Variants in ALOX5 observed in about 807,000 individuals in gnomAD.
The protein encoded by ALOX5 is polyunsaturated fatty acid 5-lipoxygenase.
A neutral mutation model predicts 87.9 loss-of-function variants in ALOX5; 64 were observed. The ratio of observed to expected loss-of-function variants is 0.73; its 90% CI spans 0.60 to 0.90. The LOEUF (loss-of-function observed/expected upper bound fraction) is 0.90. Among genes scored for constraint, ALOX5 ranks in the 40% least tolerant of loss-of-function variants. ALOX5 has a pLI of 0.00. For missense variants in ALOX5, 822 were observed against 907.5 expected, an observed-to-expected ratio of 0.91 and a Z score of 1.21; for synonymous variants, 388 against 355.1, an observed-to-expected ratio of 1.09 and a Z score of -1.04.
chr10:45,382,360 T>A, intron 1 of ALOX5, 123 bp from the exon 2 acceptor site: 1 of 975,920 alleles, frequency 1.0e-6, no homozygotes, highest in Non-Finnish European at 1.6e-6. Flanking sequence ...TTTTTTTAAG[T>A]GCTTTTCATT....
At chr10:45,401,650 A>T (rs1840702230) in intron 3 of ALOX5, among the ~76,000 whole-genome samples, 1 of 152,140 alleles carries the variant, frequency 6.6e-6, no homozygotes, top group Non-Finnish European at 1.5e-5. Flanking sequence ...ATTCACTTAA[A>T]CACCCAGCTT....
At chr10:45,440,753 G>A in intron 8 of ALOX5, 120 bp downstream of exon 8, 1 of 1,107,426 alleles carries the variant, frequency 9.0e-7, no homozygotes, top group South Asian at 1.5e-5. Flanking sequence ...AGGGAGCCCT[G>A]GAGAGATGTT....
At position 45,445,600 on chromosome 10, in the gene ALOX5, C is replaced by G. The variant is rs1803918; in HGVS notation, c.1938C>G (p.Val646=). 7.1e-5 allele frequency: 115 copies of G among 1,614,160 alleles called. No homozygotes were observed. In the South Asian group the frequency reaches 1.1e-3, roughly 16 times the overall value. Residue 646 remains valine (V), a synonymous_variant, in exon 14 of 14, where the codon GTC becomes GTG. Coordinates refer to ENST00000374391, the MANE Select transcript of ALOX5 (RefSeq NM_000698.5). ...ARFRKNLEAI[V]SVIAERNKKK... ...TCCGCAAGAACCTCGAGGCCATTGT[C>G]AGCGTGATTGCTGAGCGCAACAAGA...
At chr10:45,418,412 A>G (rs1353281132) in intron 4 of ALOX5, among the ~76,000 whole-genome samples, 1 of 152,150 alleles carries the variant, frequency 6.6e-6, no homozygotes, top group East Asian at 1.9e-4. Flanking sequence ...GATCGCACAC[A>G]TCAGCCCCTC....
intron 1 of ALOX5, among the ~76,000 whole-genome samples, chr10:45,375,470 GCTCCTAA>G (rs1199080893): frequency 6.6e-6 from 1 of 152,122 alleles, no homozygotes; most frequent in African/African-American, 2.4e-5. Flanking sequence ...CCCCACCCCA[GCTCCTAA>G]CTGGACCAAA....
chr10:45,379,481 C>T (rs545343136), intron 1 of ALOX5, among the ~76,000 whole-genome samples: 1 of 152,332 alleles, frequency 6.6e-6, no homozygotes, highest in South Asian at 2.1e-4. Context: ...TCAGGAGTTC[C>T]TTCTGGGCTT....
At chr10:45,435,221 G>T (rs942428657) in intron 7 of ALOX5, among the ~76,000 whole-genome samples, 2 of 152,038 alleles carry the variant, frequency 1.3e-5, no homozygotes, top group African/African-American at 4.8e-5. Flanking sequence ...GCAGAGCACT[G>T]GGCCCATCCT....
chr10:45,385,437 G>A (rs1564412469), intron 2 of ALOX5, among the ~76,000 whole-genome samples: 1 of 152,204 alleles, frequency 6.6e-6, no homozygotes, highest in East Asian at 1.9e-4. Flanking sequence ...TCATCCTGCT[G>A]TGCTCCCAGA....
At chr10:45,409,609 TTC>T (rs996375795) in intron 3 of ALOX5, among the ~76,000 whole-genome samples, 1 of 149,286 alleles carries the variant, frequency 6.7e-6, no homozygotes, top group South Asian at 2.1e-4. Context: ...CTCTCTTGCT[TTC>T]TCTCTCTCTC....
intron 4 of ALOX5, among the ~76,000 whole-genome samples, chr10:45,418,804 A>G (rs961813065): frequency 2.0e-5 from 3 of 152,056 alleles, no homozygotes; most frequent in Non-Finnish European, 4.4e-5. Flanking sequence ...TCACCTCCCC[A>G]CTCGCTGTTT....
chr10:45,412,867 G>A (rs559081621), intron 4 of ALOX5, among the ~76,000 whole-genome samples: 1 of 152,206 alleles, frequency 6.6e-6, no homozygotes, highest in Admixed American at 6.5e-5. Context: ...GTGCACCTTT[G>A]TTTCATCCGA....
intron 7 of ALOX5, among the ~76,000 whole-genome samples, chr10:45,440,127 C>T (rs565919460): frequency 5.0e-4 from 76 of 152,322 alleles, no homozygotes; most frequent in Non-Finnish European, 1.0e-3. Context: ...CCTGCCCGCT[C>T]CTTCCATGCT....
chr10:45,405,572 A>C (rs1840850581), intron 3 of ALOX5, among the ~76,000 whole-genome samples: 1 of 152,166 alleles, frequency 6.6e-6, no homozygotes, highest in East Asian at 1.9e-4. Context: ...AGGAGATTTT[A>C]GTTCTTTATT....
At chr10:45,437,899 C>A in intron 7 of ALOX5, among the ~76,000 whole-genome samples, 1 of 152,170 alleles carries the variant, frequency 6.6e-6, no homozygotes. Flanking sequence ...GCGAGGAGCA[C>A]CCTTTCTGCA....
chr10:45,409,623 T>C (rs1329191790), intron 3 of ALOX5, among the ~76,000 whole-genome samples: 2 of 150,078 alleles, frequency 1.3e-5, no homozygotes, highest in African/African-American at 2.5e-5. Flanking sequence ...CTCTCTCTCT[T>C]TCTCTCTCTC....
chr10:45,440,388 A>G (rs774553469), intron 7 of ALOX5, 42 bp from the exon 8 acceptor site: 133 of 1,588,872 alleles, frequency 8.4e-5, no homozygotes, highest in Middle Eastern at 6.7e-4. Context: ...TATACTCTGA[A>G]GTGAAATATA....
At chr10:45,445,347 G>A (rs1323475908) in intron 13 of ALOX5, among the ~76,000 whole-genome samples, 161 bp from the exon 14 acceptor site, 4 of 152,230 alleles carry the variant, frequency 2.6e-5, no homozygotes, top group South Asian at 4.1e-4. Flanking sequence ...TTGCCTTCCC[G>A]AGGCCCTCTT....
intron 3 of ALOX5, among the ~76,000 whole-genome samples, chr10:45,398,334 A>G (rs931160614): frequency 6.6e-6 from 1 of 152,270 alleles, no homozygotes; most frequent in African/African-American, 2.4e-5. Flanking sequence ...CACCATATAC[A>G]TAAATTAACA....
Position 45,443,711 on chromosome 10 carries a change from C to T in ALOX5, c.1574-17C>T, listed in dbSNP as rs1377542963. On this transcript the variant is annotated splice_polypyrimidine_tract_variant and intron_variant, in intron 11 of 13. Coordinates refer to ENST00000374391, the MANE Select transcript of ALOX5 (RefSeq NM_000698.5). Reference sequence around the variant, plus strand: ...CCTCAGGGACTGGGCCTCAGCCCGCCGGTGGTTCCACCCTAGGCTTCCCCA... The same window carrying T: ...CCTCAGGGACTGGGCCTCAGCCCGCTGGTGGTTCCACCCTAGGCTTCCCCA... 5.6e-6 allele frequency: 9 copies of T among 1,608,102 alleles called. No individual in the cohort carries two copies. Among genetic ancestry groups the T allele is most frequent in the Middle Eastern group, 1.7e-4 (1 of 6,028 alleles).
Sources: allele counts gnomAD v4.1 joint callset (sites outside exome capture counted in the v4.1 genomes callset), GRCh38; gene constraint gnomAD v4.1.1; transcripts MANE v1.5; gene names NCBI Gene and HGNC (gene_info 2026-07-23, HGNC 2026-07-21).